Variants in RALB observed in about 807,000 individuals in gnomAD.
RALB encodes RAS like proto-oncogene B, also known as ras-related protein Ral-B.
In RALB, 16 loss-of-function variants were observed where a neutral mutation model predicts 21.3. The ratio of observed to expected loss-of-function variants is 0.75; its 90% CI spans 0.51 to 1.14. The LOEUF is 1.14. RALB is among the 50% of genes most tolerant of loss of function. RALB has a pLI of 0.00. For missense variants in RALB, 161 were observed against 256.2 expected, an observed-to-expected ratio of 0.63 and a Z score of 2.54; for synonymous variants, 93 against 96.1, an observed-to-expected ratio of 0.97 and a Z score of 0.19.
At chr2:120,250,478 C>T (rs1689036809), upstream of RALB, among the ~76,000 whole-genome samples, 1 of 152,204 alleles carries the variant, frequency 6.6e-6, no homozygotes, top group Non-Finnish European at 1.5e-5. Context: ...CACATGGCTC[C>T]ACCCAACTAC....
intron 1 of RALB, among the ~76,000 whole-genome samples, chr2:120,242,792 G>C (rs1386675105): frequency 6.6e-6 from 1 of 151,952 alleles, no homozygotes; most frequent in African/African-American, 2.4e-5. Flanking sequence ...AAAAAATAAA[G>C]TGGCCTGGTG....
At chr2:120,247,766 C>T (rs569239639) in intron 1 of RALB, among the ~76,000 whole-genome samples, 170 of 152,324 alleles carry the variant, frequency 1.1e-3, no homozygotes, top group Middle Eastern at 0.01. Flanking sequence ...AGGGTTCCCG[C>T]GACGCATTGC....
intron 1 of RALB, among the ~76,000 whole-genome samples, chr2:120,245,313 T>G (rs1388879539): frequency 6.6e-6 from 1 of 152,194 alleles, no homozygotes; most frequent in Non-Finnish European, 1.5e-5. Flanking sequence ...CTGCGTGATT[T>G]TGGAAAGACA....
At chr2:120,264,909 A>C (rs1177992234) in intron 1 of RALB, among the ~76,000 whole-genome samples, 2 of 152,122 alleles carry the variant, frequency 1.3e-5, no homozygotes, top group Non-Finnish European at 2.9e-5. Flanking sequence ...TTTAAGGGTG[A>C]TCCATGTTAT....
chr2:120,293,452 G>A lies in RALB; in HGVS notation c.*192G>A. On this transcript the variant is annotated 3_prime_UTR_variant, in exon 5 of 5. Coordinates refer to ENST00000272519, the MANE Select transcript of RALB (RefSeq NM_002881.3). Reference sequence around the variant, plus strand: ...GAAATAAGCCCATGCAAGTGGAAGGGCTGCTTTGTCAGGAGGTTGTGGAAT... The same window carrying A: ...GAAATAAGCCCATGCAAGTGGAAGGACTGCTTTGTCAGGAGGTTGTGGAAT... 9.2e-6 allele frequency: 4 copies of A among 436,050 alleles called. No homozygotes were observed. Among genetic ancestry groups the A allele is most frequent in the Middle Eastern group, 6.3e-4 (1 of 1,584 alleles). 27.0% of individuals were successfully genotyped at this position (436,050 alleles called of 1,614,324 possible).
At chr2:120,275,106 C>T (rs995126584) in intron 1 of RALB, among the ~76,000 whole-genome samples, 4 of 152,166 alleles carry the variant, frequency 2.6e-5, no homozygotes, top group Non-Finnish European at 5.9e-5. Flanking sequence ...GGGGAGAATT[C>T]CCTACAGCCA....
chr2:120,265,338 C>T (rs1057478922), intron 1 of RALB, among the ~76,000 whole-genome samples: 6 of 152,146 alleles, frequency 3.9e-5, no homozygotes, highest in South Asian at 4.1e-4. Flanking sequence ...GTAAACATAT[C>T]GAAACGTAGG....
In RALB at chr2:120,246,673, G is replaced by A. The variant is rs149770734; in HGVS notation, c.19+6548G>A. Among the ~76,000 whole-genome samples, 195 of 152,336 alleles carry A rather than the reference G, an allele frequency of 1.3e-3. 1 individual carries two copies. Among genetic ancestry groups the A allele is most frequent in the African/African-American group, 4.5e-3 (188 of 41,570 alleles). ...CAAGGACCTGGATCCGCCTGGGTGC[G>A]GTCAGCATGTAGGATAGGTGGGCTG... On this transcript the variant is annotated intron_variant, in intron 1 of 3. Transcript: ENST00000447591.
chr2:120,265,539 T>C (rs1312077756), intron 1 of RALB, among the ~76,000 whole-genome samples: 1 of 152,228 alleles, frequency 6.6e-6, no homozygotes, highest in South Asian at 2.1e-4. Flanking sequence ...TCTCCCTCTT[T>C]AGTGAGCTTT....
intron 2 of RALB, among the ~76,000 whole-genome samples, chr2:120,279,626 C>G (rs1689934489): frequency 6.6e-6 from 1 of 152,092 alleles, no homozygotes; most frequent in African/African-American, 2.4e-5. Context: ...AGGACTTGAG[C>G]ATCTGCAGAT....
chr2:120,258,543 C>G (rs1454895270), intron 1 of RALB, among the ~76,000 whole-genome samples: 1 of 152,194 alleles, frequency 6.6e-6, no homozygotes, highest in Non-Finnish European at 1.5e-5. Flanking sequence ...GCGTTAAGCA[C>G]AGTTTCATGT....
intron 2 of RALB, among the ~76,000 whole-genome samples, chr2:120,283,856 T>C (rs1322886276): frequency 6.6e-6 from 1 of 152,238 alleles, no homozygotes; most frequent in African/African-American, 2.4e-5. Flanking sequence ...TGATTTTCTG[T>C]TTCCAGCTGA....
At chr2:120,276,954 A>G (rs4849847) in intron 1 of RALB, among the ~76,000 whole-genome samples, 105,760 of 152,108 alleles carry the variant, frequency 0.7, 37,370 homozygotes, top group Middle Eastern at 0.8. Flanking sequence ...GTGTTTTGGT[A>G]TATGTGAAAT....
At chr2:120,258,620 T>C (rs1037197528) in intron 1 of RALB, among the ~76,000 whole-genome samples, 1 of 152,126 alleles carries the variant, frequency 6.6e-6, no homozygotes, top group Non-Finnish European at 1.5e-5. Flanking sequence ...GGAGTGGTAA[T>C]GAGGGGTCAC....
At position 120,255,371 on chromosome 2, in the gene RALB, A is replaced by G. The variant is rs143614862; in HGVS notation, c.-48+2391A>G. ...TCCTTCATCACATGGCGGAGTAGTT[A>G]AGGAGGAGAAAAACTAACAGTTACT... On this transcript the variant is annotated intron_variant, in intron 1 of 4. Transcript: ENST00000272519. 1.4e-3 allele frequency among the ~76,000 whole-genome samples: 208 copies of G among 152,272 alleles called. 2 individuals are homozygous for G. Among genetic ancestry groups the G allele is most frequent in the Non-Finnish European group, 2.5e-3 (167 of 68,030 alleles).
rs1690315779 is a variant in RALB at position 120,291,972 on chromosome 2, G to A, written c.502-1169G>A. On this transcript the variant is annotated intron_variant, in intron 4 of 4. Transcript: ENST00000272519. Reference sequence around the variant, plus strand: ...GTGTGAATGTCTGAAGATAAGGGCTGTGCTCAGTCCCACACTTGCAGTCTC... The same window carrying A: ...GTGTGAATGTCTGAAGATAAGGGCTATGCTCAGTCCCACACTTGCAGTCTC... 1.3e-5 allele frequency among the ~76,000 whole-genome samples: 2 copies of A among 152,176 alleles called. 1 individual carries two copies. The highest frequency in any genetic ancestry group is 4.1e-4 in the South Asian group (2 of 4,834).
intron 3 of RALB, among the ~76,000 whole-genome samples, chr2:120,289,278 C>T (rs2104663503): frequency 6.8e-6 from 1 of 146,034 alleles, no homozygotes; most frequent in Non-Finnish European, 1.5e-5. Flanking sequence ...GTTGGGGACC[C>T]TGTTGTGACG....
chr2:120,270,968 G>A (rs77787010), intron 1 of RALB, among the ~76,000 whole-genome samples: 12,121 of 152,274 alleles, frequency 0.08, 644 homozygotes, highest in Non-Finnish European at 0.12. Flanking sequence ...GGTGTGTAAT[G>A]TTTGACTGTT....
chr2:120,241,937 AAGC>A (rs1308364442), intron 1 of RALB, among the ~76,000 whole-genome samples: 3 of 152,166 alleles, frequency 2.0e-5, no homozygotes, highest in African/African-American at 7.2e-5. Context: ...ACAGAATTGA[AAGC>A]AGAGTCTCAG....
Sources: gnomAD v4.1 joint callset for allele counts (sites outside exome capture counted in the v4.1 genomes callset) on GRCh38, gnomAD v4.1.1 for gene constraint, MANE v1.5 for transcripts, NCBI Gene and HGNC (gene_info 2026-07-23, HGNC 2026-07-21) for gene names.